The following NELL1 variants were observed in gnomAD, a reference collection of about 807,000 sequenced individuals.
NELL1 encodes neural EGFL like 1.
In NELL1, 76 loss-of-function variants were observed where a neutral mutation model predicts 107.4. That is an observed-to-expected ratio of 0.71 (90% CI 0.59 to 0.86). The LOEUF (loss-of-function observed/expected upper bound fraction) is 0.86, where lower values mean the gene tolerates loss of function less well. Ranked by LOEUF, NELL1 falls within the 40% of genes least tolerant of loss-of-function variation. The pLI is 0.00. For synonymous variants in NELL1, 353 were observed against 341.2 expected (o/e 1.03, Z -0.38); for missense variants, 1,024 against 1,005.5 (o/e 1.02, Z -0.25).
At chr11:21,289,534 T>C (rs1260336110) in intron 14 of NELL1, among the ~76,000 whole-genome samples, 1 of 152,130 alleles carries the variant, frequency 6.6e-6, no homozygotes, top group African/African-American at 2.4e-5. Flanking sequence ...GGAGATTCCC[T>C]TGGGTGCCTG....
At chr11:20,906,860 A>G (rs559369367) in intron 5 of NELL1, among the ~76,000 whole-genome samples, 1 of 152,214 alleles carries the variant, frequency 6.6e-6, no homozygotes, top group South Asian at 2.1e-4. Context: ...AATAAAGGGC[A>G]TTAATGAAAA....
At chr11:21,447,531 A>G (rs555347259) in intron 15 of NELL1, among the ~76,000 whole-genome samples, 1 of 152,302 alleles carries the variant, frequency 6.6e-6, no homozygotes, top group South Asian at 2.1e-4. Flanking sequence ...AATAGGGCCT[A>G]CACAACTCTG....
At chr11:21,290,073 G>A (rs988921753) in intron 14 of NELL1, among the ~76,000 whole-genome samples, 1 of 152,164 alleles carries the variant, frequency 6.6e-6, no homozygotes, top group Non-Finnish European at 1.5e-5. Flanking sequence ...AGCTTAAGCA[G>A]ATTTAAATAT....
At chr11:20,680,480 A>T (rs538903048) in intron 2 of NELL1, among the ~76,000 whole-genome samples, 1 of 152,068 alleles carries the variant, frequency 6.6e-6, no homozygotes, top group African/African-American at 2.4e-5. Flanking sequence ...TGGGGGAAAA[A>T]TTTCTCTTTA....
At chr11:20,812,721 C>T (rs1021165231) in intron 3 of NELL1, among the ~76,000 whole-genome samples, 2 of 151,552 alleles carry the variant, frequency 1.3e-5, no homozygotes, top group Admixed American at 6.6e-5. Flanking sequence ...AAAGAAATAG[C>T]AGAGGGGCCG....
intron 3 of NELL1, among the ~76,000 whole-genome samples, chr11:20,795,270 A>G (rs533700114): frequency 1.3e-5 from 2 of 152,376 alleles, no homozygotes; most frequent in South Asian, 2.1e-4. Context: ...AAGTGGGCAG[A>G]TAAAACGAAA....
Position 21,319,113 on chromosome 11 carries a change from G to C in NELL1, c.1550-51740G>C, listed in dbSNP as rs371192324. Among the ~76,000 whole-genome samples, 16 of 149,608 alleles carry C rather than the reference G, an allele frequency of 1.1e-4. No individual in the cohort carries two copies. The East Asian group carries it at 1.4e-3, about 13-fold the overall frequency. ...AAGTAGAGCCTCGTTTAACTACTAA[G>C]AGTGACATCTCAGCAATATGTGTGT... On this transcript the variant is annotated intron_variant, in intron 14 of 19. Coordinates refer to ENST00000357134, the MANE Select transcript of NELL1 (RefSeq NM_006157.5).
intron 16 of NELL1, among the ~76,000 whole-genome samples, chr11:21,547,294 T>G (rs571274792): frequency 2.6e-5 from 4 of 152,018 alleles, no homozygotes; most frequent in Non-Finnish European, 5.9e-5. Context: ...AGCCTGATTA[T>G]AGATGTGGTC....
intron 15 of NELL1, among the ~76,000 whole-genome samples, chr11:21,406,267 G>A (rs1852233339): frequency 6.6e-6 from 1 of 151,896 alleles, no homozygotes; most frequent in African/African-American, 2.4e-5. Context: ...AATTTAGGGG[G>A]CAGTCATTGG....
intron 15 of NELL1, among the ~76,000 whole-genome samples, chr11:21,480,454 C>A (rs1432952622): frequency 6.6e-6 from 1 of 152,172 alleles, no homozygotes; most frequent in African/African-American, 2.4e-5. Context: ...GTCTCACAAC[C>A]TGGCAGATCC....
At chr11:21,251,111 A>C (rs1213475704) in intron 14 of NELL1, among the ~76,000 whole-genome samples, 2 of 152,180 alleles carry the variant, frequency 1.3e-5, no homozygotes, top group Non-Finnish European at 2.9e-5. Flanking sequence ...ATAAAAATGG[A>C]GGTTTTTGAG....
At position 21,522,107 on chromosome 11, in the gene NELL1, G is replaced by A. The variant is rs181023772; in HGVS notation, c.1646-12267G>A. ...AAGCCATTATATCAAAAAGATACCTGCCTGTAGTCCCAGCTGCTGGGGAGG... is the reference window on the plus strand; with the variant it reads ...AAGCCATTATATCAAAAAGATACCTACCTGTAGTCCCAGCTGCTGGGGAGG... On this transcript the variant is annotated intron_variant, in intron 15 of 19. Coordinates refer to ENST00000357134, the MANE Select transcript of NELL1 (RefSeq NM_006157.5). Among the ~76,000 whole-genome samples the A allele has an allele frequency of 3.3e-4, 50 of 152,102 alleles. 1 individual carries two copies. Among genetic ancestry groups the A allele is most frequent in the Admixed American group, 2.0e-3 (31 of 15,276 alleles).
chr11:21,252,344 C>G (rs1474503704), intron 14 of NELL1, among the ~76,000 whole-genome samples: 2 of 152,034 alleles, frequency 1.3e-5, no homozygotes, highest in Non-Finnish European at 2.9e-5. Flanking sequence ...GCAGGTATAC[C>G]TGTGCCTTAG....
chr11:20,739,791 A>AG (rs1430872622), intron 2 of NELL1, among the ~76,000 whole-genome samples: 3 of 152,148 alleles, frequency 2.0e-5, no homozygotes, highest in Admixed American at 2.0e-4. Context: ...AATATACTGT[A>AG]GGGGGTAGCA....
At chr11:21,537,619 T>G (rs914046362) in intron 16 of NELL1, among the ~76,000 whole-genome samples, 1 of 145,604 alleles carries the variant, frequency 6.9e-6, no homozygotes, top group Non-Finnish European at 1.5e-5. Context: ...TGCACATGTG[T>G]GTAATATTCT....
intron 15 of NELL1, among the ~76,000 whole-genome samples, chr11:21,426,029 A>G (rs558980477): frequency 1.3e-5 from 2 of 152,294 alleles, no homozygotes; most frequent in South Asian, 4.1e-4. Flanking sequence ...AAGATTTGAC[A>G]TTTTTAAACT....
intron 14 of NELL1, among the ~76,000 whole-genome samples, chr11:21,305,905 G>GTTTGTTT (rs1469936587): frequency 6.6e-6 from 1 of 151,804 alleles, no homozygotes; most frequent in East Asian, 1.9e-4. Context: ...TTTCTGCACT[G>GTTTGTTT]TTTGTTTTTT....
chr11:21,198,927 T>C (rs1164504227), intron 13 of NELL1, among the ~76,000 whole-genome samples: 1 of 152,150 alleles, frequency 6.6e-6, no homozygotes, highest in African/African-American at 2.4e-5. Flanking sequence ...TGTCCTAGCA[T>C]TTGTTATCTG....
At chr11:20,709,296 A>G (rs1715281) in intron 2 of NELL1, among the ~76,000 whole-genome samples, 57,607 of 151,718 alleles carry the variant, frequency 0.38, 12,714 homozygotes, top group African/African-American at 0.6. Context: ...TTAATAGGGT[A>G]TTCTTTCCCT....
Sources: gnomAD v4.1 joint callset for allele counts (sites outside exome capture counted in the v4.1 genomes callset) on GRCh38, gnomAD v4.1.1 for gene constraint, MANE v1.5 for transcripts, NCBI Gene and HGNC (gene_info 2026-07-23, HGNC 2026-07-21) for gene names.